MED27: variants seen among roughly 807,000 people sequenced by gnomAD.
The protein encoded by MED27 is mediator complex subunit 27, also known as mediator of RNA polymerase II transcription subunit 27.
In MED27, 30 loss-of-function variants were observed where a neutral mutation model predicts 38.2. The observed-to-expected ratio is 0.79, with a 90% CI of 0.59 to 1.07. The LOEUF (loss-of-function observed/expected upper bound fraction) is 1.07. Ranked by LOEUF, MED27 falls within the 50% of genes least tolerant of loss-of-function variation. The pLI, the probability that MED27 is intolerant of heterozygous loss-of-function variation, is 0.00. For synonymous variants in MED27, 122 were observed against 153.5 expected, an observed-to-expected ratio of 0.79 and a Z score of 1.52; for missense variants, 289 against 397.5, an observed-to-expected ratio of 0.73 and a Z score of 2.32.
chr9:132,058,299 C>G (rs1373960659), intron 2 of MED27, among the ~76,000 whole-genome samples: 1 of 152,142 alleles, frequency 6.6e-6, no homozygotes, highest in African/African-American at 2.4e-5. Context: ...TGTGTCCCTA[C>G]CCAAATATCA....
intron 2 of MED27, among the ~76,000 whole-genome samples, chr9:132,077,115 C>T (rs934239410): frequency 5.1e-4 from 77 of 152,282 alleles, no homozygotes; most frequent in African/African-American, 1.6e-3. Context: ...GCTAGGAAGC[C>T]TTCCCTAGAT....
intron 3 of MED27, among the ~76,000 whole-genome samples, chr9:131,990,029 C>T (rs555217141): frequency 6.6e-6 from 1 of 152,264 alleles, no homozygotes; most frequent in East Asian, 1.9e-4. Context: ...GCAGCTTACA[C>T]ACCACCTGGG....
At chr9:131,999,202 G>A (rs999990884) in intron 3 of MED27, among the ~76,000 whole-genome samples, 4 of 152,100 alleles carry the variant, frequency 2.6e-5, no homozygotes, top group Admixed American at 6.6e-5. Flanking sequence ...TATCTTTGCC[G>A]GAGCCCCAAA....
chr9:131,924,396 G>C (rs1830447456), intron 4 of MED27, among the ~76,000 whole-genome samples: 2 of 151,846 alleles, frequency 1.3e-5, no homozygotes, highest in African/African-American at 4.8e-5. Context: ...TGAATTGTCT[G>C]TTTCTTTTCC....
At chr9:132,072,734 C>A (rs1354051617) in intron 2 of MED27, among the ~76,000 whole-genome samples, 1 of 152,030 alleles carries the variant, frequency 6.6e-6, no homozygotes, top group Non-Finnish European at 1.5e-5. Flanking sequence ...GAAGGGTGCT[C>A]AATCCTAAAG....
At chr9:131,957,949 G>T (rs1831138763) in intron 3 of MED27, among the ~76,000 whole-genome samples, 1 of 151,690 alleles carries the variant, frequency 6.6e-6, no homozygotes, top group Admixed American at 6.6e-5. Context: ...TAGAGTGACA[G>T]AGAGGAGACC....
rs752011455 is a variant in MED27 at position 131,872,042 on chromosome 9, C to G, written c.724-8902G>C. 1.3e-5 allele frequency among the ~76,000 whole-genome samples: 2 copies of G among 152,308 alleles called. No individual in the cohort carries two copies. The highest frequency in any genetic ancestry group is 2.4e-5 in the African/African-American group (1 of 41,562). ...GGCCCCAGGGGGCATGCTCCTGGGCCGGAGTGGAGGCTGGCGACGCAGCAT... is the reference window on the plus strand; with the variant it reads ...GGCCCCAGGGGGCATGCTCCTGGGCGGGAGTGGAGGCTGGCGACGCAGCAT... On this transcript the variant is annotated intron_variant, in intron 6 of 7. Transcript: ENST00000292035. The surrounding 1 kb of genome is among the most constrained non-coding windows in gnomAD (Gnocchi z 5.6).
chr9:132,079,383 T>C (rs919651350), intron 1 of MED27, among the ~76,000 whole-genome samples: 1 of 151,976 alleles, frequency 6.6e-6, no homozygotes, highest in Non-Finnish European at 1.5e-5. Flanking sequence ...GCCTCCTTGT[T>C]AGGAATGGAA....
intron 2 of MED27, among the ~76,000 whole-genome samples, chr9:132,030,632 G>A (rs1832938619): frequency 1.3e-5 from 2 of 152,306 alleles, no homozygotes; most frequent in Non-Finnish European, 2.9e-5. Context: ...AGAATCATGT[G>A]ATGAAAAGAA....
At chr9:132,006,467 A>G (rs1003524243) in intron 3 of MED27, among the ~76,000 whole-genome samples, 20 of 152,218 alleles carry the variant, frequency 1.3e-4, no homozygotes, top group Non-Finnish European at 2.6e-4. Flanking sequence ...TCAGCATATA[A>G]CCAAATTCTG....
chr9:131,973,457 C>CTTTTTTTTTTTTTTTTTTTTTTTT (rs747946439), intron 3 of MED27, among the ~76,000 whole-genome samples: 4 of 122,170 alleles, frequency 3.3e-5, no homozygotes, highest in Non-Finnish European at 3.3e-5. Flanking sequence ...TTTTTCTTTT[C>CTTTTTTTTTTTTTTTTTTTTTTTT]TTTTTTTTTT....
intron 2 of MED27, among the ~76,000 whole-genome samples, chr9:132,045,937 C>A (rs1014212001): frequency 2.0e-5 from 3 of 152,136 alleles, no homozygotes; most frequent in Admixed American, 2.0e-4. Context: ...AGCCTAATGG[C>A]TGGAGCTCCA....
At position 131,884,070 on chromosome 9, in the gene MED27, T is replaced by C. The variant is rs142538381; in HGVS notation, c.711A>G (p.Gln237=). The change falls in exon 6 of 8, where the codon CAA becomes CAG. Residue 237 remains glutamine, a synonymous_variant. Transcript: ENST00000292035. ...AAGTAAAACTTACCTTCTGGAATACTTGATAGTTGGATTTGGACCATATAT... is the reference window on the plus strand; with the variant it reads ...AAGTAAAACTTACCTTCTGGAATACCTGATAGTTGGATTTGGACCATATAT... The part of the protein sequence containing the change: ...KLDIWSKSNY[Q]VFQKVTDHAT... 2.4e-5 allele frequency: 38 copies of C among 1,612,258 alleles called. No individual in the cohort carries two copies. In the African/African-American group the frequency reaches 3.3e-4, roughly 14 times the overall value.
In MED27 at chr9:131,997,039, CT is replaced by C. The variant is rs1832106624; in HGVS notation, c.479+17297del. Among the ~76,000 whole-genome samples, 6 of 152,240 alleles carry C rather than the reference CT, an allele frequency of 3.9e-5. No individual in the cohort carries two copies. Among genetic ancestry groups the C allele is most frequent in the African/African-American group, 1.4e-4 (6 of 41,550 alleles). ...TGACTATGGTGGGGGATGGGTACCC[CT>C]AACGCTGTGTTAAGGGTCAACTGTA... On this transcript the variant is annotated intron_variant, in intron 3 of 7. Coordinates refer to ENST00000292035, the MANE Select transcript of MED27 (RefSeq NM_004269.4). The surrounding 1 kb of genome is among the most constrained non-coding windows in gnomAD (Gnocchi z 4.0).
At chr9:131,894,749 G>A (rs922895200) in intron 4 of MED27, among the ~76,000 whole-genome samples, 1 of 152,086 alleles carries the variant, frequency 6.6e-6, no homozygotes, top group Non-Finnish European at 1.5e-5. Flanking sequence ...GGACACTATG[G>A]TGTGGATATG....
At chr9:131,899,347 T>C (rs1000300792) in intron 4 of MED27, among the ~76,000 whole-genome samples, 2 of 152,188 alleles carry the variant, frequency 1.3e-5, no homozygotes, top group South Asian at 2.1e-4. Flanking sequence ...CTGTGGGGTC[T>C]GCTGAGCGAC....
chr9:131,898,040 A>G (rs1796581082), intron 4 of MED27, among the ~76,000 whole-genome samples: 1 of 151,986 alleles, frequency 6.6e-6, no homozygotes, highest in Admixed American at 6.5e-5. Context: ...GGTATACTTT[A>G]ACATGCTGCT....
intron 2 of MED27, among the ~76,000 whole-genome samples, chr9:132,057,393 G>A (rs1227507630): frequency 6.6e-6 from 1 of 152,216 alleles, no homozygotes; most frequent in Non-Finnish European, 1.5e-5. Flanking sequence ...GGTCTGCTGT[G>A]AGCAGTTACT....
At chr9:131,941,075 C>A (rs191862011) in intron 3 of MED27, among the ~76,000 whole-genome samples, 1 of 152,270 alleles carries the variant, frequency 6.6e-6, no homozygotes, top group African/African-American at 2.4e-5. Flanking sequence ...AAGACATCAG[C>A]CCATAGCACT....
Sources: gnomAD v4.1 joint callset for allele counts (sites outside exome capture counted in the v4.1 genomes callset) on GRCh38, gnomAD v4.1.1 for gene constraint, Gnocchi (gnomAD v3.1) non-coding constraint, MANE v1.5 for transcripts, NCBI Gene and HGNC (gene_info 2026-07-23, HGNC 2026-07-21) for gene names.